ADAM12: variants seen among roughly 807,000 people sequenced by gnomAD.
The protein encoded by ADAM12 is ADAM metallopeptidase domain 12.
ADAM12 carries 70 observed loss-of-function variants against 106.4 expected under a neutral mutation model. The observed-to-expected ratio is 0.66, with a 90% confidence interval of 0.54 to 0.80. The LOEUF (loss-of-function observed/expected upper bound fraction) is 0.80, where lower values mean the gene tolerates loss of function less well. ADAM12 is among the 30% of genes least tolerant of loss of function. ADAM12 has a pLI of 0.00. For missense variants in ADAM12, 1,010 were observed against 1,171.9 expected (o/e 0.86, Z 2.02); for synonymous variants, 420 against 433.5 (o/e 0.97, Z 0.39).
chr10:126,109,801 G>T lies in ADAM12; in HGVS notation c.643C>A (p.Leu215Met). Residue 215 changes from leucine (L) to methionine (M), a missense_variant, in exon 7 of 23, where the codon CTG (leucine) becomes ATG (methionine). Physicochemically the swap from Leu to Met is conservative, Grantham distance 15 (BLOSUM62 2). Coordinates refer to ENST00000448723, the MANE Select transcript of ADAM12 (RefSeq NM_001288973.2). ...TCTCGGTTGTCTGCCACGATCACCA[G>T]CTCCACATACTTAGTTGCCTTGAGG... ...ETLKATKYVELVIVADNREFQ... is the reference protein window; with the variant it reads ...ETLKATKYVEMVIVADNREFQ... The T allele has an allele frequency of 6.2e-7, 1 of 1,612,410 alleles. No individual in the cohort carries two copies. The highest frequency in any genetic ancestry group is 1.1e-5 in the South Asian group (1 of 90,944).
intron 11 of ADAM12, among the ~76,000 whole-genome samples, chr10:126,080,368 A>G (rs1449953307): frequency 6.6e-6 from 1 of 152,190 alleles, no homozygotes; most frequent in East Asian, 1.9e-4. Flanking sequence ...CTAATAAATT[A>G]TCCCACATGT....
chr10:126,028,932 A>G (rs1422215351), intron 21 of ADAM12, among the ~76,000 whole-genome samples: 1 of 152,184 alleles, frequency 6.6e-6, no homozygotes, highest in Non-Finnish European at 1.5e-5. Context: ...AAACAGTAAA[A>G]AGTGGGCAAA....
intron 3 of ADAM12, among the ~76,000 whole-genome samples, chr10:126,244,897 A>C (rs1370116447): frequency 6.6e-6 from 1 of 152,220 alleles, no homozygotes; most frequent in Non-Finnish European, 1.5e-5. Flanking sequence ...GTAGACATTC[A>C]CCAAGCAAAG....
chr10:126,290,837 G>T lies in ADAM12; in HGVS notation c.187-11849C>A, dbSNP rs116172135. ...CTTCTATATGGGAAGAGGCTCTTAC[G>T]TACTATGTGTACGACCAATCATAGA... On this transcript the variant is annotated intron_variant, in intron 2 of 22. Coordinates refer to ENST00000448723, the MANE Select transcript of ADAM12 (RefSeq NM_001288973.2). Among the ~76,000 whole-genome samples the T allele has an allele frequency of 2.2e-3, 340 of 152,312 alleles. 1 individual carries two copies. Among genetic ancestry groups the T allele is most frequent in the African/African-American group, 8.0e-3 (332 of 41,562 alleles).
At chr10:126,126,456 T>C (rs1956208203) in intron 5 of ADAM12, among the ~76,000 whole-genome samples, 1 of 152,136 alleles carries the variant, frequency 6.6e-6, no homozygotes, top group African/African-American at 2.4e-5. Flanking sequence ...CGTTGTTTTT[T>C]TTAGAACCAG....
chr10:126,145,058 C>T (rs763710367), intron 4 of ADAM12, among the ~76,000 whole-genome samples: 6 of 152,186 alleles, frequency 3.9e-5, no homozygotes, highest in East Asian at 1.9e-4. Flanking sequence ...CCTCTGGGAA[C>T]GTGGGTTTGC....
intron 5 of ADAM12, among the ~76,000 whole-genome samples, chr10:126,126,123 C>T (rs1956202374): frequency 6.6e-6 from 1 of 152,160 alleles, no homozygotes; most frequent in East Asian, 1.9e-4. Flanking sequence ...ACAGACACAG[C>T]CATACAGCCA....
At chr10:126,163,672 A>C (rs1032514468) in intron 3 of ADAM12, among the ~76,000 whole-genome samples, 1 of 151,826 alleles carries the variant, frequency 6.6e-6, no homozygotes, top group Non-Finnish European at 1.5e-5. Context: ...GCTGAAAGAA[A>C]CCCCCCGGCC....
At chr10:126,377,328 T>A (rs1272000695) in intron 1 of ADAM12, among the ~76,000 whole-genome samples, 1 of 152,196 alleles carries the variant, frequency 6.6e-6, no homozygotes, top group Non-Finnish European at 1.5e-5. Flanking sequence ...CAATAGGCTG[T>A]CTGCAAGCTG....
intron 21 of ADAM12, among the ~76,000 whole-genome samples, chr10:126,027,119 T>A (rs1298323462): frequency 6.6e-6 from 1 of 152,076 alleles, no homozygotes; most frequent in Non-Finnish European, 1.5e-5. Context: ...TATAAACACC[T>A]CTATGCACAT....
intron 3 of ADAM12, among the ~76,000 whole-genome samples, chr10:126,175,252 G>A (rs1243472073): frequency 2.0e-5 from 3 of 152,136 alleles, no homozygotes; most frequent in Admixed American, 6.5e-5. Context: ...ACACAGCACC[G>A]GAAGACCAGT....
At chr10:126,081,544 A>G (rs1442669601) in intron 11 of ADAM12, among the ~76,000 whole-genome samples, 1 of 152,200 alleles carries the variant, frequency 6.6e-6, no homozygotes, top group Non-Finnish European at 1.5e-5. Context: ...TCCTGACAGC[A>G]GATGCCACAG....
At position 126,027,342 on chromosome 10, in the gene ADAM12, T is replaced by C. The variant is rs554107827; in HGVS notation, c.2530-7517A>G. 3.3e-5 allele frequency among the ~76,000 whole-genome samples: 5 copies of C among 152,100 alleles called. No individual in the cohort carries two copies. In the East Asian group the frequency reaches 5.8e-4, roughly 18 times the overall value. On this transcript the variant is annotated intron_variant, in intron 21 of 22. Coordinates refer to ENST00000448723, the MANE Select transcript of ADAM12 (RefSeq NM_001288973.2). ...TTCTACTGAAACTATTCCAAAAAAA[T>C]TGGAAAGAAGAGACTCCTCTCTAAC...
intron 4 of ADAM12, among the ~76,000 whole-genome samples, chr10:126,138,691 A>T (rs1278829071): frequency 6.6e-6 from 1 of 151,936 alleles, no homozygotes; most frequent in Non-Finnish European, 1.5e-5. Flanking sequence ...TACTTTCTTG[A>T]TTGTATCTTT....
chr10:126,116,253 T>C (rs999726826), intron 6 of ADAM12, among the ~76,000 whole-genome samples: 1 of 152,222 alleles, frequency 6.6e-6, no homozygotes, highest in Non-Finnish European at 1.5e-5. Flanking sequence ...ATTATAAATC[T>C]TGTAACGTGG....
At position 126,180,849 on chromosome 10, in the gene ADAM12, G is replaced by A. The variant is rs551427995; in HGVS notation, c.261-25544C>T. ...CTGTGCTTCTGGAGAGAGGGCCATC[G>A]TTACTGCAATTATACTAATACACTT... is the stretch of plus-strand genomic sequence containing the variant. On this transcript the variant is annotated intron_variant, in intron 3 of 22. Coordinates refer to ENST00000448723, the MANE Select transcript of ADAM12 (RefSeq NM_001288973.2). 1.3e-4 allele frequency among the ~76,000 whole-genome samples: 20 copies of A among 152,238 alleles called. 1 individual carries two copies. In the South Asian group the frequency reaches 2.7e-3, roughly 21 times the overall value.
At chr10:126,214,618 T>C (rs1957955024) in intron 3 of ADAM12, among the ~76,000 whole-genome samples, 1 of 152,216 alleles carries the variant, frequency 6.6e-6, no homozygotes, top group Non-Finnish European at 1.5e-5. Context: ...TGATTGACAG[T>C]ACCCTTTTGC....
At chr10:126,018,300 G>A (rs1189990516) in intron 22 of ADAM12, among the ~76,000 whole-genome samples, 1 of 152,222 alleles carries the variant, frequency 6.6e-6, no homozygotes, top group Non-Finnish European at 1.5e-5. Context: ...CTTTGGCTGT[G>A]GGTTTAACTC....
chr10:126,139,338 C>T (rs960395837), intron 4 of ADAM12, among the ~76,000 whole-genome samples: 1 of 151,440 alleles, frequency 6.6e-6, no homozygotes, highest in Admixed American at 6.6e-5. Context: ...TTGTTGATAT[C>T]ATAAATAAGA....
Sources: allele counts gnomAD v4.1 joint callset (sites outside exome capture counted in the v4.1 genomes callset), GRCh38; gene constraint gnomAD v4.1.1; transcripts MANE v1.5; gene names NCBI Gene and HGNC (gene_info 2026-07-23, HGNC 2026-07-21).